Variants in LYRM4 observed in about 807,000 individuals in gnomAD.
The protein encoded by LYRM4 is LYR motif containing 4.
LYRM4 carries 9 observed loss-of-function variants against 11.7 expected under a neutral mutation model. The observed-to-expected ratio is 0.77, with a 90% CI of 0.46 to 1.34. The LOEUF is 1.34. Among genes scored for constraint, LYRM4 ranks in the 40% most tolerant of loss-of-function variants. The probability of loss-of-function intolerance (pLI) is 0.00; values close to 1 mark genes in which losing one functional copy is unlikely to be tolerated. For synonymous variants in LYRM4, 42 were observed against 40.4 expected (o/e 1.04, Z -0.15); for missense variants, 133 against 112.5 (o/e 1.18, Z -0.82).
chr6:5,067,271 A>G, the LYRM4 span, among the ~76,000 whole-genome samples: 2 of 152,200 alleles, frequency 1.3e-5, no homozygotes, highest in South Asian at 2.1e-4. Context: ...CAAACTTAGT[A>G]TGTCGTTAGC....
chr6:5,098,394 C>T, the LYRM4 span, among the ~76,000 whole-genome samples: 1 of 152,190 alleles, frequency 6.6e-6, no homozygotes, highest in African/African-American at 2.4e-5. Context: ...AGCTGCTTCT[C>T]ATCCTAGGCT....
chr6:5,230,936 T>C (rs936649414), intron 1 of LYRM4, among the ~76,000 whole-genome samples: 1 of 152,074 alleles, frequency 6.6e-6, no homozygotes, highest in Non-Finnish European at 1.5e-5. Flanking sequence ...ATGTATGAAA[T>C]GTCAGAATGT....
At chr6:5,118,094 A>ATATATATATATATATTTTTTTTTT in intron 2 of LYRM4, among the ~76,000 whole-genome samples, 1 of 86,114 alleles carries the variant, frequency 1.2e-5, no homozygotes, top group Non-Finnish European at 2.4e-5. Context: ...ATATATATAT[A>ATATATATATATATATTTTTTTTTT]TTTTTGTTTT....
rs115408486 is a variant in LYRM4, at chr6:5,194,520, C to T, written c.207+22098G>A. Among the ~76,000 whole-genome samples, 1,030 of 152,190 alleles carry T rather than the reference C, an allele frequency of 6.8e-3. 5 individuals carry two copies. Among genetic ancestry groups the T allele is most frequent in the African/African-American group, 0.022 (930 of 41,526 alleles). On this transcript the variant is annotated intron_variant, in intron 2 of 2. Transcript: ENST00000330636. The stretch of plus-strand genomic sequence containing the variant: ...CTGAAATGCTTAGTTCCCTCTTCTT[C>T]GAGGTGGGACATAAGACCTACCTCA...
At chr6:5,234,363 G>A (rs921924504) in intron 1 of LYRM4, among the ~76,000 whole-genome samples, 1 of 152,190 alleles carries the variant, frequency 6.6e-6, no homozygotes, top group African/African-American at 2.4e-5. Context: ...TCACTCCTGC[G>A]CTCCTCCACA....
At chr6:5,118,095 T>TATATATATATA (rs34304149) in intron 2 of LYRM4, among the ~76,000 whole-genome samples, 3 of 96,880 alleles carry the variant, frequency 3.1e-5, no homozygotes, top group East Asian at 3.3e-4. Context: ...TATATATATA[T>TATATATATATA]TTTTGTTTTG....
the LYRM4 span, among the ~76,000 whole-genome samples, chr6:5,039,921 A>C: frequency 3.3e-5 from 5 of 152,230 alleles, no homozygotes; most frequent in Non-Finnish European, 5.9e-5. Context: ...CCAATAGAAA[A>C]GAACAGAGCC....
intron 2 of LYRM4, chr6:5,138,796 G>C: frequency 1.5e-6 from 2 of 1,318,674 alleles, no homozygotes; most frequent in Non-Finnish European, 2.1e-6. Context: ...CAGAAAGAAA[G>C]AGTTCTTTGG....
chr6:5,171,483 A>C lies in LYRM4; in HGVS notation c.207+45135T>G, dbSNP rs191144175. Among the ~76,000 whole-genome samples the C allele has an allele frequency of 3.9e-5, 6 of 152,324 alleles. No individual in the cohort carries two copies. The East Asian group carries it at 1.2e-3, about 29-fold the overall frequency. Reference sequence around the variant, plus strand: ...GAAAGACACACCAACATCAAACAAAAATAAATGATTCCTGGTGTGTGTGTT... The same window carrying C: ...GAAAGACACACCAACATCAAACAAACATAAATGATTCCTGGTGTGTGTGTT... On this transcript the variant is annotated intron_variant, in intron 2 of 2. Coordinates refer to ENST00000330636, the MANE Select transcript of LYRM4 (RefSeq NM_020408.6).
chr6:5,032,285 A>G, the LYRM4 span: 1 of 152,232 alleles, frequency 6.6e-6, no homozygotes, highest in African/African-American at 2.4e-5. Flanking sequence ...CAAGTTCCAA[A>G]TATTCCTATA....
intron 2 of LYRM4, among the ~76,000 whole-genome samples, chr6:5,145,392 C>G (rs1296033630): frequency 6.6e-6 from 1 of 152,216 alleles, no homozygotes; most frequent in African/African-American, 2.4e-5. Flanking sequence ...AAGTCGGCAC[C>G]AGTATTGTTC....
At chr6:5,211,847 T>A (rs958589558) in intron 2 of LYRM4, among the ~76,000 whole-genome samples, 4 of 152,224 alleles carry the variant, frequency 2.6e-5, no homozygotes, top group Non-Finnish European at 5.9e-5. Flanking sequence ...CCTGAAATCA[T>A]GATCTTAATT....
intron 2 of LYRM4, among the ~76,000 whole-genome samples, chr6:5,207,086 G>A (rs987490787): frequency 1.3e-5 from 2 of 152,198 alleles, no homozygotes; most frequent in Non-Finnish European, 2.9e-5. Context: ...TACTGAGTAA[G>A]TGTTATTAGG....
intron 2 of LYRM4, among the ~76,000 whole-genome samples, chr6:5,208,346 G>A (rs1240571968): frequency 6.6e-6 from 1 of 152,184 alleles, no homozygotes; most frequent in Admixed American, 6.5e-5. Context: ...TGCTTTCTCT[G>A]CCAGAGTTAA....
chr6:5,151,173 T>A (rs185596159), intron 2 of LYRM4, among the ~76,000 whole-genome samples: 66 of 150,456 alleles, frequency 4.4e-4, no homozygotes, highest in Admixed American at 9.4e-4. Flanking sequence ...AACCTCCGCC[T>A]CCTGGGTTCA....
Position 5,151,673 on chromosome 6 carries a change from C to A in LYRM4, c.208-42182G>T, listed in dbSNP as rs140383618. Among the ~76,000 whole-genome samples the A allele has an allele frequency of 6.3e-4, 96 of 152,336 alleles. 1 individual carries two copies. In the Middle Eastern group the frequency reaches 0.01, roughly 16 times the overall value. On this transcript the variant is annotated intron_variant, in intron 2 of 2. Coordinates refer to ENST00000330636, the MANE Select transcript of LYRM4 (RefSeq NM_020408.6). ...GGCTTTCAAAGCAGAAAGGCTTGTT[C>A]TGAAATCCTGGCTCAATTTACTAGC...
the LYRM4 span, among the ~76,000 whole-genome samples, chr6:5,040,401 ATTTCT>A: frequency 6.6e-6 from 1 of 151,584 alleles, no homozygotes. Context: ...ACATAAAGAA[ATTTCT>A]TTTAAAGAAA....
chr6:5,070,787 C>T, the LYRM4 span, among the ~76,000 whole-genome samples: 1 of 141,404 alleles, frequency 7.1e-6, no homozygotes, highest in African/African-American at 2.7e-5. Context: ...TGGAGGAGTG[C>T]TTGAGCCCAG....
intron 2 of LYRM4, among the ~76,000 whole-genome samples, chr6:5,151,431 C>A (rs1297850805): frequency 6.6e-6 from 1 of 152,172 alleles, no homozygotes; most frequent in Non-Finnish European, 1.5e-5. Context: ...TGGCCCATCT[C>A]CCTTTCACTG....
Sources: allele counts gnomAD v4.1 joint callset (sites outside exome capture counted in the v4.1 genomes callset), GRCh38; gene constraint gnomAD v4.1.1; transcripts MANE v1.5; gene names NCBI Gene and HGNC (gene_info 2026-07-23, HGNC 2026-07-21).